Variants in AP2B1 observed in about 807,000 individuals in gnomAD.
The protein encoded by AP2B1 is adaptor related protein complex 2 subunit beta 1.
Under a neutral mutation model 102.0 loss-of-function variants are expected in AP2B1, and 23 were observed. The ratio of observed to expected loss-of-function variants is 0.23; its 90% CI spans 0.16 to 0.32. The LOEUF is 0.32. Ranked by LOEUF, AP2B1 falls within the 10% of genes least tolerant of loss-of-function variation. The pLI, the probability that AP2B1 is intolerant of heterozygous loss-of-function variation, is 1.00. For missense variants in AP2B1, 541 were observed against 1,157.4 expected (o/e 0.47, Z 7.73); for synonymous variants, 381 against 421.2 (o/e 0.90, Z 1.17).
At chr17:35,633,857 A>G (rs1203773717) in intron 9 of AP2B1, among the ~76,000 whole-genome samples, 1 of 152,182 alleles carries the variant, frequency 6.6e-6, no homozygotes, top group Non-Finnish European at 1.5e-5. Context: ...AAATCTAAAT[A>G]TGGTCTGGGC....
At chr17:35,681,704 C>G (rs1052600276) in intron 17 of AP2B1, among the ~76,000 whole-genome samples, 1 of 152,032 alleles carries the variant, frequency 6.6e-6, no homozygotes, top group Non-Finnish European at 1.5e-5. Flanking sequence ...CACCTGGCCT[C>G]AGGGTGGAAA....
intron 13 of AP2B1, 64 bp from the exon 14 acceptor site, chr17:35,657,535 G>C: frequency 7.4e-7 from 1 of 1,356,926 alleles, no homozygotes; most frequent in Non-Finnish European, 1.0e-6. Context: ...CTGTTGTTGC[G>C]ATGTTATGTC....
chr17:35,590,252 C>T (rs1302420149), intron 1 of AP2B1, among the ~76,000 whole-genome samples: 1 of 152,058 alleles, frequency 6.6e-6, no homozygotes, highest in Non-Finnish European at 1.5e-5. Context: ...TTTTGCCATC[C>T]TGTATTTTGG....
chr17:35,591,229 T>C (rs2142279721), intron 1 of AP2B1, among the ~76,000 whole-genome samples: 1 of 150,534 alleles, frequency 6.6e-6, no homozygotes, highest in South Asian at 2.1e-4. Flanking sequence ...TCCCAACATG[T>C]AGTCCCAGCT....
At chr17:35,645,955 C>A (rs1385554688) in intron 12 of AP2B1, among the ~76,000 whole-genome samples, 4 of 152,172 alleles carry the variant, frequency 2.6e-5, no homozygotes, top group Non-Finnish European at 5.9e-5. Flanking sequence ...GAACTAGGGG[C>A]CACCATCATC....
intron 13 of AP2B1, among the ~76,000 whole-genome samples, chr17:35,652,134 T>C (rs1210552721): frequency 6.6e-6 from 1 of 152,248 alleles, no homozygotes; most frequent in Non-Finnish European, 1.5e-5. Flanking sequence ...AAGGCCTTTA[T>C]CTGATTAATA....
At chr17:35,720,956 A>G (rs782240310) in intron 21 of AP2B1, among the ~76,000 whole-genome samples, 16 of 152,220 alleles carry the variant, frequency 1.1e-4, no homozygotes, top group South Asian at 1.0e-3. Context: ...TGATTTGCCT[A>G]TCTAAAGAGG....
intron 13 of AP2B1, among the ~76,000 whole-genome samples, chr17:35,653,290 C>T (rs975741588): frequency 4.6e-5 from 7 of 152,036 alleles, no homozygotes; most frequent in South Asian, 2.1e-4. Context: ...TGTCGCTTTC[C>T]GAAAATTATG....
chr17:35,715,410 G>T (rs1377631639), intron 20 of AP2B1, among the ~76,000 whole-genome samples: 1 of 152,234 alleles, frequency 6.6e-6, no homozygotes, highest in Non-Finnish European at 1.5e-5. Flanking sequence ...CTTGCCACAT[G>T]TATATGCTAG....
At chr17:35,616,339 T>C (rs866886997) in intron 5 of AP2B1, among the ~76,000 whole-genome samples, 17 of 151,830 alleles carry the variant, frequency 1.1e-4, no homozygotes, top group Non-Finnish European at 7.4e-5. Flanking sequence ...TAATTTTTTT[T>C]GTATTTTTAG....
chr17:35,718,488 A>G (rs1425788380), intron 21 of AP2B1, among the ~76,000 whole-genome samples: 4 of 152,132 alleles, frequency 2.6e-5, no homozygotes, highest in South Asian at 2.1e-4. Flanking sequence ...TTGGAGAGTA[A>G]CATACACTGT....
Position 35,626,482 on chromosome 17 carries a change from A to G in AP2B1, c.717-139A>G. 6 of 720,526 alleles carry G rather than the reference A, an allele frequency of 8.3e-6. No individual in the cohort carries two copies. In the South Asian group the frequency reaches 1.2e-4, roughly 14 times the overall value. The allele number at this position is 720,526 out of a possible 1,614,324, so 44.6% of individuals were successfully genotyped here. A position where few individuals can be genotyped will look rare whatever the true frequency, so the allele number is the denominator to read the frequency against. On this transcript the variant is annotated intron_variant, in intron 6 of 21. Transcript: ENST00000610402. ...GCATTGTTGGATCCCAATTTTACCT[A>G]AGCATGGAGCTTTGACTTTTCTAAC...
At chr17:35,692,941 T>C (rs1486369675) in intron 18 of AP2B1, among the ~76,000 whole-genome samples, 1 of 152,110 alleles carries the variant, frequency 6.6e-6, no homozygotes, top group Non-Finnish European at 1.5e-5. Flanking sequence ...AATGACCCAT[T>C]CTGTCTTCAT....
At chr17:35,645,452 GA>G (rs2074904589) in intron 12 of AP2B1, among the ~76,000 whole-genome samples, 1 of 152,090 alleles carries the variant, frequency 6.6e-6, no homozygotes, top group Non-Finnish European at 1.5e-5. Context: ...TAGTTAGGGG[GA>G]AAAACCCAAC....
intron 18 of AP2B1, 128 bp from the exon 19 acceptor site, chr17:35,709,096 T>A: frequency 1.3e-6 from 1 of 758,012 alleles, no homozygotes; most frequent in South Asian, 1.6e-5. Flanking sequence ...TTTGTTTGAT[T>A]TGGGGAGACC....
chr17:35,710,330 ATACTC>A lies in AP2B1; in HGVS notation c.2626+13_2626+17del, dbSNP rs781843719. ...TGTCATTTAAATGCTGGTGAGTAAT[ATACTC>A]TAAATTTCAGTTTCATCTTAGTAAA... is the stretch of plus-strand genomic sequence containing the variant. On this transcript the variant is annotated intron_variant, in intron 20 of 21. Transcript: ENST00000610402. 1 of 1,547,454 alleles carries A rather than the reference ATACTC, an allele frequency of 6.5e-7. No homozygotes were observed. Among genetic ancestry groups the A allele is most frequent in the South Asian group, 1.1e-5 (1 of 88,446 alleles).
intron 5 of AP2B1, among the ~76,000 whole-genome samples, chr17:35,618,160 C>A (rs1167484746): frequency 6.6e-6 from 1 of 152,082 alleles, no homozygotes; most frequent in Non-Finnish European, 1.5e-5. Context: ...AGTATAAGCC[C>A]TAAGTTTTAC....
At position 35,674,162 on chromosome 17, in the gene AP2B1, A is replaced by G. The variant is rs775537828; in HGVS notation, c.2179-14A>G. On this transcript the variant is annotated splice_polypyrimidine_tract_variant and intron_variant, in intron 16 of 21. Transcript: ENST00000610402. The stretch of plus-strand genomic sequence containing the variant: ...ATCTTGTCTGATTCTATTGAGCTTT[A>G]TACTGTGTTTCAGGTCTGGCTACCT... 9 of 1,613,670 alleles carry G rather than the reference A, an allele frequency of 5.6e-6. No individual in the cohort carries two copies. In the South Asian group the frequency reaches 7.7e-5, roughly 14 times the overall value.
intron 5 of AP2B1, among the ~76,000 whole-genome samples, chr17:35,624,083 CTG>C (rs2074254754): frequency 6.6e-6 from 1 of 152,148 alleles, no homozygotes; most frequent in Admixed American, 6.5e-5. Flanking sequence ...TTTTCATATG[CTG>C]TTCATATGTC....
Sources: gnomAD v4.1 joint callset for allele counts (sites outside exome capture counted in the v4.1 genomes callset) on GRCh38, gnomAD v4.1.1 for gene constraint, MANE v1.5 for transcripts, NCBI Gene and HGNC (gene_info 2026-07-23, HGNC 2026-07-21) for gene names.